Variants in SLC8A1 observed in about 807,000 individuals in gnomAD.
SLC8A1 encodes solute carrier family 8 member A1, also known as sodium/calcium exchanger 1.
SLC8A1 carries 18 observed loss-of-function variants against 68.3 expected under a neutral mutation model. The observed-to-expected ratio is 0.26, with a 90% confidence interval of 0.18 to 0.39. The LOEUF is 0.39. Ranked by LOEUF, SLC8A1 falls within the 10% of genes least tolerant of loss-of-function variation. The pLI is 1.00. For synonymous variants in SLC8A1, 475 were observed against 415.5 expected (o/e 1.14, Z -1.74); for missense variants, 985 against 1,156.7 (o/e 0.85, Z 2.15).
At chr2:40,276,360 G>A (rs2066696938) in intron 2 of SLC8A1, among the ~76,000 whole-genome samples, 1 of 152,184 alleles carries the variant, frequency 6.6e-6, no homozygotes, top group Non-Finnish European at 1.5e-5. Flanking sequence ...GAGAAAACAA[G>A]CAGTGAGATT....
At chr2:40,155,772 G>A (rs557185788) in intron 6 of SLC8A1, among the ~76,000 whole-genome samples, 114 of 152,294 alleles carry the variant, frequency 7.5e-4, no homozygotes, top group African/African-American at 2.6e-3. Context: ...AACTGAACTA[G>A]TATCCATATT....
chr2:40,508,539 A>C (rs1706509296), intron 1 of SLC8A1, among the ~76,000 whole-genome samples: 1 of 152,050 alleles, frequency 6.6e-6, no homozygotes, highest in Non-Finnish European at 1.5e-5. Context: ...ACATATATAT[A>C]TTTTATAGCT....
intron 4 of SLC8A1, among the ~76,000 whole-genome samples, 183 bp downstream of exon 6, chr2:40,174,523 G>T (rs1457724467): frequency 6.6e-6 from 1 of 151,984 alleles, no homozygotes; most frequent in Non-Finnish European, 1.5e-5. Flanking sequence ...TTTTCCATAT[G>T]AACAGCTTAT....
chr2:40,142,297 G>A (rs1479682839), intron 6 of SLC8A1, among the ~76,000 whole-genome samples: 1 of 152,176 alleles, frequency 6.6e-6, no homozygotes, highest in African/African-American at 2.4e-5. Flanking sequence ...GAAGAAGAAA[G>A]TCACATTAAT....
At chr2:40,189,177 T>G (rs1468060504) in intron 2 of SLC8A1, among the ~76,000 whole-genome samples, 1 of 152,216 alleles carries the variant, frequency 6.6e-6, no homozygotes, top group Admixed American at 6.5e-5. Flanking sequence ...CAGAGTTCTG[T>G]CCTTGTCTAT....
rs536424867 is a variant in SLC8A1 at position 40,402,795 on chromosome 2, GTCA to G, written c.1808+25675_1808+25677del. Reference sequence around the variant, plus strand: ...AAAGGAAAGCTTGCAAGTGTCTGTAGTCATCATTCAACTACTCAACTTGACTAG... The same window carrying G: ...AAAGGAAAGCTTGCAAGTGTCTGTAGTCATTCAACTACTCAACTTGACTAG... On this transcript the variant is annotated intron_variant, in intron 2 of 7. Transcript: ENST00000406785. 1.1e-4 allele frequency among the ~76,000 whole-genome samples: 16 copies of G among 152,300 alleles called. No homozygotes were observed. In the East Asian group the frequency reaches 1.4e-3, roughly 13 times the overall value.
intron 2 of SLC8A1, among the ~76,000 whole-genome samples, chr2:40,226,411 C>T (rs1042657116): frequency 3.5e-4 from 53 of 152,060 alleles, no homozygotes; most frequent in African/African-American, 1.3e-3. Flanking sequence ...ATAATGAAGG[C>T]TTGGAAATGT....
At chr2:40,402,544 T>C (rs1689069772) in intron 2 of SLC8A1, among the ~76,000 whole-genome samples, 1 of 152,174 alleles carries the variant, frequency 6.6e-6, no homozygotes, top group Non-Finnish European at 1.5e-5. Flanking sequence ...TCTCTTGGGG[T>C]CTGGATTAGG....
At chr2:40,249,772 T>C (rs2062453725) in intron 2 of SLC8A1, among the ~76,000 whole-genome samples, 1 of 152,218 alleles carries the variant, frequency 6.6e-6, no homozygotes, top group South Asian at 2.1e-4. Context: ...AGCTATAATT[T>C]ATTACTTGGC....
intron 2 of SLC8A1, among the ~76,000 whole-genome samples, chr2:40,417,694 G>C (rs1366284407): frequency 4.6e-5 from 7 of 152,110 alleles, no homozygotes; most frequent in African/African-American, 1.2e-4. Context: ...ACCCAGGCTA[G>C]TATGGCCCCA....
At chr2:40,418,195 G>A (rs924248724) in intron 2 of SLC8A1, among the ~76,000 whole-genome samples, 1 of 151,898 alleles carries the variant, frequency 6.6e-6, no homozygotes, top group African/African-American at 2.4e-5. Context: ...ATAAATATCT[G>A]GACTTAATAT....
chr2:40,174,793 G>C, intron 4 of SLC8A1, 32 bp downstream of exon 5: 1 of 1,604,940 alleles, frequency 6.2e-7, no homozygotes. Flanking sequence ...GACAGTAAAA[G>C]TTAGATAGCA....
At position 40,115,636 on chromosome 2, in the gene SLC8A1, A is replaced by G; in HGVS notation, c.2438-7T>C. On this transcript the variant is annotated splice_polypyrimidine_tract_variant and splice_region_variant and intron_variant, in intron 7 of 7. Coordinates refer to ENST00000406785, the Ensembl canonical transcript of SLC8A1. ...ACTTTGCTGGCAAATGTGTCTGCAG[A>G]GGAAGAAGAGAAAGTCAATGACACT... 1 of 1,601,232 alleles carries G rather than the reference A, an allele frequency of 6.2e-7. No homozygotes were observed. The highest frequency in any genetic ancestry group is 1.1e-5 in the South Asian group (1 of 90,546).
intron 2 of SLC8A1, among the ~76,000 whole-genome samples, chr2:40,403,880 A>G (rs969237256): frequency 6.6e-6 from 1 of 152,224 alleles, no homozygotes; most frequent in Non-Finnish European, 1.5e-5. Context: ...TGACAGTGCC[A>G]TATGTACCCT....
Position 40,240,290 on chromosome 2 carries a change from G to A in SLC8A1, c.1809-62435C>T, listed in dbSNP as rs146474703. ...AAGTCAAGTCTCCGACGGAGCGGAG[G>A]ACTCCCCAGGCTCTAGAAGGCCCCT... On this transcript the variant is annotated intron_variant, in intron 2 of 7. Coordinates refer to ENST00000406785, the Ensembl canonical transcript of SLC8A1. Among the ~76,000 whole-genome samples, 1,002 of 152,308 alleles carry A rather than the reference G, an allele frequency of 6.6e-3. 13 individuals carry two copies. The highest frequency in any genetic ancestry group is 0.011 in the Non-Finnish European group (751 of 68,024).
intron 2 of SLC8A1, among the ~76,000 whole-genome samples, chr2:40,267,598 T>A (rs1454819331): frequency 6.6e-6 from 1 of 152,214 alleles, no homozygotes; most frequent in East Asian, 1.9e-4. Flanking sequence ...ATAATTGCCA[T>A]GCCTGGTATG....
chr2:40,454,621 G>A (rs996434005), upstream of SLC8A1, among the ~76,000 whole-genome samples: 9 of 151,398 alleles, frequency 5.9e-5, no homozygotes, highest in African/African-American at 1.7e-4. Flanking sequence ...ATGGTCTTCT[G>A]TTTATCTAGA....
chr2:40,463,452 C>G (rs1703460481), intron 1 of SLC8A1, among the ~76,000 whole-genome samples: 1 of 152,158 alleles, frequency 6.6e-6, no homozygotes, highest in Non-Finnish European at 1.5e-5. Flanking sequence ...AAAGAATCGC[C>G]TTAGTTCCAC....
At position 40,135,361 on chromosome 2, in the gene SLC8A1, T is replaced by C. The variant is rs577377914; in HGVS notation, c.2437+4040A>G. Among the ~76,000 whole-genome samples the C allele has an allele frequency of 7.9e-5, 12 of 151,808 alleles. No homozygotes were observed. The South Asian group carries it at 2.5e-3, about 32-fold the overall frequency. Reference sequence around the variant, plus strand: ...GGTGAGAGAGGACAGCTGTGTAGACTAGGATGGTGGTGGTGGAGAGATAGC... The same window carrying C: ...GGTGAGAGAGGACAGCTGTGTAGACCAGGATGGTGGTGGTGGAGAGATAGC... On this transcript the variant is annotated intron_variant, in intron 7 of 7. Coordinates refer to ENST00000406785, the Ensembl canonical transcript of SLC8A1.
Sources: allele counts gnomAD v4.1 joint callset (sites outside exome capture counted in the v4.1 genomes callset), GRCh38; gene constraint gnomAD v4.1.1; transcripts MANE v1.5; gene names NCBI Gene and HGNC (gene_info 2026-07-23, HGNC 2026-07-21).